Variants in MMP16 observed in about 807,000 individuals in gnomAD.
The protein encoded by MMP16 is matrix metalloproteinase-16.
MMP16 carries 12 observed loss-of-function variants against 67.8 expected under a neutral mutation model. That is an observed-to-expected ratio of 0.18 (90% CI 0.11 to 0.29). The LOEUF (loss-of-function observed/expected upper bound fraction) is 0.29, where lower values mean the gene tolerates loss of function less well. Among genes scored for constraint, MMP16 ranks in the 10% least tolerant of loss-of-function variants. The pLI, the probability that MMP16 is intolerant of heterozygous loss-of-function variation, is 1.00. For missense variants in MMP16, 475 were observed against 765.7 expected (o/e 0.62, Z 4.48); for synonymous variants, 249 against 255.9 (o/e 0.97, Z 0.26).
At chr8:88,067,062 A>G (rs1051262040) in intron 7 of MMP16, among the ~76,000 whole-genome samples, 1 of 152,092 alleles carries the variant, frequency 6.6e-6, no homozygotes, top group Admixed American at 6.6e-5. Flanking sequence ...ATCATAGAAT[A>G]TTTATAATAT....
chr8:88,167,614 G>A, intron 4 of MMP16, 55 bp downstream of exon 4: 4 of 1,465,368 alleles, frequency 2.7e-6, no homozygotes, highest in South Asian at 1.4e-5. Context: ...AAATCTCTTG[G>A]TTATTCTGAA....
intron 1 of MMP16, among the ~76,000 whole-genome samples, chr8:88,266,805 C>T (rs538027656): frequency 1.1e-3 from 166 of 152,284 alleles, no homozygotes; most frequent in Non-Finnish European, 2.1e-3. Flanking sequence ...TTGCAATCTT[C>T]CTCTACCAAA....
chr8:88,272,111 T>C (rs1028348749), intron 1 of MMP16, among the ~76,000 whole-genome samples: 5 of 152,146 alleles, frequency 3.3e-5, no homozygotes, highest in African/African-American at 1.2e-4. Context: ...AATGTGCATG[T>C]CCATGAATAT....
At chr8:88,190,193 T>C (rs185335803) in intron 2 of MMP16, among the ~76,000 whole-genome samples, 1 of 152,278 alleles carries the variant, frequency 6.6e-6, no homozygotes, top group Non-Finnish European at 1.5e-5. Context: ...TGAATGAAGA[T>C]TGGTAAAGTT....
chr8:88,171,405 G>A (rs1357556845), intron 3 of MMP16, among the ~76,000 whole-genome samples: 2 of 152,166 alleles, frequency 1.3e-5, no homozygotes, highest in African/African-American at 2.4e-5. Context: ...GGTTGAATCT[G>A]GGAAGTCAGT....
intron 4 of MMP16, among the ~76,000 whole-genome samples, chr8:88,144,290 AT>A (rs1455648698): frequency 2.0e-5 from 3 of 151,998 alleles, no homozygotes; most frequent in Non-Finnish European, 4.4e-5. Flanking sequence ...ACAAAATTAA[AT>A]TTTTTAGGTG....
At chr8:88,218,001 A>G (rs915592964) in intron 1 of MMP16, among the ~76,000 whole-genome samples, 1 of 151,988 alleles carries the variant, frequency 6.6e-6, no homozygotes, top group African/African-American at 2.4e-5. Context: ...AAGATGGGCT[A>G]TACCATTTAC....
intron 1 of MMP16, among the ~76,000 whole-genome samples, chr8:88,261,590 C>G (rs908449929): frequency 3.3e-5 from 5 of 151,914 alleles, no homozygotes; most frequent in African/African-American, 1.2e-4. Flanking sequence ...CCCCTTCAGA[C>G]TCTATAAACC....
intron 6 of MMP16, among the ~76,000 whole-genome samples, chr8:88,103,433 G>T (rs1441531389): frequency 6.6e-6 from 1 of 151,778 alleles, no homozygotes. Flanking sequence ...GAATAAAAGC[G>T]AATGAATAAA....
chr8:88,308,457 G>A (rs1811244877), intron 1 of MMP16, among the ~76,000 whole-genome samples: 1 of 152,042 alleles, frequency 6.6e-6, no homozygotes, highest in Non-Finnish European at 1.5e-5. Flanking sequence ...AGCAAGAGGT[G>A]CCCAAAGCCA....
At chr8:88,143,740 T>TGCAGTCATTGTTTTC (rs1808248958) in intron 4 of MMP16, among the ~76,000 whole-genome samples, 2 of 152,080 alleles carry the variant, frequency 1.3e-5, no homozygotes, top group African/African-American at 4.8e-5. Flanking sequence ...TCATTGTTTT[T>TGCAGTCATTGTTTTC]AAGGCAGAAA....
At chr8:88,069,489 C>A (rs754691561) in intron 7 of MMP16, 5 of 525,278 alleles carry the variant, frequency 9.5e-6, no homozygotes, top group South Asian at 2.8e-5. Context: ...GTAGAGCCAA[C>A]CATCTTGGAT....
chr8:88,046,546 G>T, intron 9 of MMP16, 123 bp downstream of exon 9: 1 of 440,088 alleles, frequency 2.3e-6, no homozygotes, highest in Non-Finnish European at 4.0e-6. Context: ...CATATAAATA[G>T]AAATACAGTA....
At chr8:88,321,236 G>A (rs571930793) in intron 1 of MMP16, among the ~76,000 whole-genome samples, 175 of 152,124 alleles carry the variant, frequency 1.2e-3, no homozygotes, top group Non-Finnish European at 2.2e-3. Flanking sequence ...GGCAAATGGA[G>A]AATACAGTAT....
intron 1 of MMP16, among the ~76,000 whole-genome samples, chr8:88,223,460 T>C (rs1809718534): frequency 6.6e-6 from 1 of 151,866 alleles, no homozygotes; most frequent in Non-Finnish European, 1.5e-5. Flanking sequence ...CCATCAATGA[T>C]AGACTGGATT....
intron 1 of MMP16, among the ~76,000 whole-genome samples, chr8:88,317,680 T>C (rs1811394760): frequency 6.6e-6 from 1 of 152,150 alleles, no homozygotes. Context: ...ATCAGCTAGA[T>C]TTTTACCTTT....
At chr8:88,069,606 A>G (rs1808518631) in intron 7 of MMP16, 1 of 450,174 alleles carries the variant, frequency 2.2e-6, no homozygotes, top group Non-Finnish European at 4.3e-6. Context: ...GCTTATTGCT[A>G]ATTATAGAAA....
At chr8:88,305,323 T>C (rs567563571) in intron 1 of MMP16, among the ~76,000 whole-genome samples, 3 of 152,284 alleles carry the variant, frequency 2.0e-5, no homozygotes, top group African/African-American at 7.2e-5. Context: ...CAAAGAGACT[T>C]AGATGCCCAC....
At chr8:88,320,155 G>GT (rs939927311) in intron 1 of MMP16, among the ~76,000 whole-genome samples, 2 of 152,038 alleles carry the variant, frequency 1.3e-5, no homozygotes, top group African/African-American at 4.8e-5. Flanking sequence ...TTTGTGGATC[G>GT]TTTTTTACAT....
Sources: gnomAD v4.1 joint callset for allele counts (sites outside exome capture counted in the v4.1 genomes callset) on GRCh38, gnomAD v4.1.1 for gene constraint, MANE v1.5 for transcripts, NCBI Gene and HGNC (gene_info 2026-07-23, HGNC 2026-07-21) for gene names.